Variants in TMEM74 observed in about 807,000 individuals in gnomAD.
The protein encoded by TMEM74 is transmembrane protein 74.
A neutral mutation model predicts 18.1 loss-of-function variants in TMEM74; 13 were observed. That is an observed-to-expected ratio of 0.72 (90% CI 0.47 to 1.14). The LOEUF (loss-of-function observed/expected upper bound fraction) is 1.14, where lower values mean the gene tolerates loss of function less well. Among genes scored for constraint, TMEM74 ranks in the 50% most tolerant of loss-of-function variants. TMEM74 has a pLI of 0.00. For missense variants in TMEM74, 372 were observed against 375.9 expected, an observed-to-expected ratio of 0.99 and a Z score of 0.09; for synonymous variants, 159 against 146.6, an observed-to-expected ratio of 1.08 and a Z score of -0.61.
chr8:108,761,578 T>C (rs1814044676), intron 1 of TMEM74, among the ~76,000 whole-genome samples: 1 of 152,116 alleles, frequency 6.6e-6, no homozygotes. Context: ...AGGAAAATCA[T>C]CTGAGGCTGG....
intron 1 of TMEM74, among the ~76,000 whole-genome samples, chr8:108,765,933 G>A (rs10571415): frequency 0.068 from 3,871 of 56,716 alleles, 79 homozygotes; most frequent in African/African-American, 0.19. Context: ...GAAAAAAAAA[G>A]TGTGTAAGAA....
intron 2 of TMEM74, among the ~76,000 whole-genome samples, chr8:108,632,752 T>G (rs1002378952): frequency 4.6e-5 from 7 of 151,956 alleles, no homozygotes; most frequent in Non-Finnish European, 1.0e-4. Context: ...GCTGTGTCAT[T>G]TTCTTACTAT....
chr8:108,667,094 G>C (rs1685067713), intron 1 of TMEM74, among the ~76,000 whole-genome samples: 1 of 152,144 alleles, frequency 6.6e-6, no homozygotes, highest in African/African-American at 2.4e-5. Context: ...ATTTGTGTGT[G>C]TGTGCAATGA....
intron 2 of TMEM74, among the ~76,000 whole-genome samples, chr8:108,637,206 C>T (rs113129684): frequency 1.5e-4 from 23 of 152,044 alleles, no homozygotes; most frequent in African/African-American, 5.3e-4. Flanking sequence ...TCACAATAAG[C>T]TTATAAATCA....
intron 2 of TMEM74, among the ~76,000 whole-genome samples, chr8:108,634,114 G>T (rs1812582157): frequency 6.6e-6 from 1 of 151,932 alleles, no homozygotes; most frequent in South Asian, 2.1e-4. Flanking sequence ...AAGAGGAAGA[G>T]CATGGGCACA....
intron 1 of TMEM74, among the ~76,000 whole-genome samples, chr8:108,750,996 C>A (rs1813899012): frequency 6.6e-6 from 1 of 152,120 alleles, no homozygotes; most frequent in Non-Finnish European, 1.5e-5. Context: ...TAGTCAAATT[C>A]TTTCTTCTGA....
At chr8:108,736,772 C>A (rs1463216648) in intron 1 of TMEM74, among the ~76,000 whole-genome samples, 1 of 152,082 alleles carries the variant, frequency 6.6e-6, no homozygotes, top group Non-Finnish European at 1.5e-5. Context: ...ACCATATACA[C>A]AGTTTGTTGT....
intron 1 of TMEM74, among the ~76,000 whole-genome samples, chr8:108,662,660 G>A (rs777715676): frequency 6.6e-6 from 1 of 152,144 alleles, no homozygotes; most frequent in Non-Finnish European, 1.5e-5. Flanking sequence ...GGGAAGGCCT[G>A]TGTGCCCCAT....
chr8:108,745,466 C>T (rs1321453623), intron 1 of TMEM74, among the ~76,000 whole-genome samples: 1 of 152,082 alleles, frequency 6.6e-6, no homozygotes, highest in Non-Finnish European at 1.5e-5. Context: ...TTCCCCTAAG[C>T]ATTTACATAT....
chr8:108,640,763 T>C (rs894962455), intron 2 of TMEM74, among the ~76,000 whole-genome samples: 4 of 152,140 alleles, frequency 2.6e-5, no homozygotes, highest in African/African-American at 9.7e-5. Context: ...AGTTGGTATC[T>C]TGGGATAATG....
intron 2 of TMEM74, among the ~76,000 whole-genome samples, chr8:108,632,984 G>A (rs563704685): frequency 1.2e-4 from 18 of 152,014 alleles, no homozygotes; most frequent in Non-Finnish European, 2.4e-4. Context: ...TAATGATTCC[G>A]TACTGGGAAG....
At chr8:108,697,669 G>A (rs1350290950) in intron 1 of TMEM74, among the ~76,000 whole-genome samples, 1 of 152,126 alleles carries the variant, frequency 6.6e-6, no homozygotes. Context: ...CTTTCAAAAC[G>A]CTGGGATTGC....
chr8:108,723,034 T>C (rs959372268), intron 1 of TMEM74, among the ~76,000 whole-genome samples: 1 of 152,148 alleles, frequency 6.6e-6, no homozygotes, highest in African/African-American at 2.4e-5. Flanking sequence ...GAGTGTTCCT[T>C]ACAGGGCTGA....
At chr8:108,666,479 C>T (rs1812950137) in intron 1 of TMEM74, among the ~76,000 whole-genome samples, 1 of 152,136 alleles carries the variant, frequency 6.6e-6, no homozygotes, top group African/African-American at 2.4e-5. Context: ...TCCTGGACCC[C>T]TTTAAGGGCA....
chr8:108,654,055 G>C (rs1812798761), intron 2 of TMEM74, among the ~76,000 whole-genome samples: 1 of 152,108 alleles, frequency 6.6e-6, no homozygotes, highest in African/African-American at 2.4e-5. Context: ...AGTGGTTGAA[G>C]GTAGAGGGGT....
At chr8:108,699,796 A>G (rs1813317633) in intron 1 of TMEM74, among the ~76,000 whole-genome samples, 1 of 152,156 alleles carries the variant, frequency 6.6e-6, no homozygotes. Flanking sequence ...CTATACTAGA[A>G]CATTGCTCAC....
chr8:108,702,359 A>AG (rs1483546495), intron 1 of TMEM74, among the ~76,000 whole-genome samples: 14 of 151,414 alleles, frequency 9.2e-5, no homozygotes, highest in African/African-American at 2.2e-4. Context: ...AAAAAAAAAA[A>AG]AAAGAAAGAA....
chr8:108,775,992 G>A (rs1814229140), downstream of TMEM74, among the ~76,000 whole-genome samples: 1 of 152,154 alleles, frequency 6.6e-6, no homozygotes, highest in South Asian at 2.1e-4. Context: ...TGCTAATTTG[G>A]CAGAATGTGA....
rs150452740 is a variant in TMEM74, at chr8:108,784,215, A to G, written c.884T>C (p.Leu295Ser). The G allele has an allele frequency of 1.7e-4, 267 of 1,613,836 alleles. No individual in the cohort carries two copies. The highest frequency in any genetic ancestry group is 2.2e-4 in the Non-Finnish European group (260 of 1,179,880). The change falls in exon 2 of 2, where the codon TTG becomes TCG. Residue 295 changes from leucine (L) to serine (S), a missense_variant. Transcript: ENST00000297459. ...TACAGCAAGCGCATCTTCCTCTACC[A>G]AGGACAGTTCCAGAGTGTTTTCATT... ...STNENTLELS[L>S]VEEDALAVQS is the part of the protein sequence containing the mutation.
Sources: gnomAD v4.1 joint callset for allele counts (sites outside exome capture counted in the v4.1 genomes callset) on GRCh38, gnomAD v4.1.1 for gene constraint, MANE v1.5 for transcripts, NCBI Gene and HGNC (gene_info 2026-07-23, HGNC 2026-07-21) for gene names.